Variants in DOCK10 observed in about 807,000 individuals in gnomAD.
DOCK10 encodes the protein dedicator of cytokinesis protein 10.
A neutral mutation model predicts 280.1 loss-of-function variants in DOCK10; 145 were observed. That is an observed-to-expected ratio of 0.52 (90% CI 0.45 to 0.59). The LOEUF (loss-of-function observed/expected upper bound fraction) is 0.59, where lower values mean the gene tolerates loss of function less well. Ranked by LOEUF, DOCK10 falls within the 20% of genes least tolerant of loss-of-function variation. The pLI, the probability that DOCK10 is intolerant of heterozygous loss-of-function variation, is 0.00. For synonymous variants in DOCK10, 915 were observed against 942.2 expected, an observed-to-expected ratio of 0.97 and a Z score of 0.53; for missense variants, 2,368 against 2,651.7, an observed-to-expected ratio of 0.89 and a Z score of 2.35.
intron 1 of DOCK10, among the ~76,000 whole-genome samples, chr2:225,020,567 A>G (rs1244096129): frequency 1.3e-5 from 2 of 152,190 alleles, no homozygotes; most frequent in Non-Finnish European, 2.9e-5. Flanking sequence ...GACGTATTCT[A>G]AAAAATTTCT....
rs1362880307 is a variant in DOCK10 at position 224,899,975 on chromosome 2, T to C, written c.334-3598A>G. On this transcript the variant is annotated intron_variant, in intron 3 of 55. Coordinates refer to ENST00000258390, the MANE Select transcript of DOCK10 (RefSeq NM_014689.3). The stretch of plus-strand genomic sequence containing the variant: ...GGTCGAGACATTTTATTTGTTTGGA[T>C]CTCAGATTTAGTTCTTGGGCATTCA... 2.0e-5 allele frequency among the ~76,000 whole-genome samples: 3 copies of C among 152,184 alleles called. No individual in the cohort carries two copies. The East Asian group carries it at 5.8e-4, about 29-fold the overall frequency.
intron 3 of DOCK10, among the ~76,000 whole-genome samples, chr2:224,906,967 T>TA (rs2125888992): frequency 1.2e-5 from 1 of 84,148 alleles, no homozygotes; most frequent in African/African-American, 3.6e-5. Context: ...TGATTCTCTT[T>TA]ATCACATAAT....
intron 3 of DOCK10, among the ~76,000 whole-genome samples, chr2:224,898,236 G>A (rs757899042): frequency 1.1e-4 from 16 of 152,186 alleles, no homozygotes; most frequent in Non-Finnish European, 1.9e-4. Flanking sequence ...GGACGGGGCT[G>A]TTCTGGATTT....
At chr2:225,014,256 G>A (rs1239326954) in intron 1 of DOCK10, among the ~76,000 whole-genome samples, 1 of 151,460 alleles carries the variant, frequency 6.6e-6, no homozygotes, top group African/African-American at 2.4e-5. Context: ...TGGGTACCAT[G>A]GTAAACTAAA....
intron 16 of DOCK10, 29 bp downstream of exon 16, chr2:224,854,934 G>T: frequency 1.3e-6 from 2 of 1,556,316 alleles, no homozygotes; most frequent in South Asian, 1.2e-5. Context: ...TCAAAACTCT[G>T]CAACCAAACC....
intron 1 of DOCK10, among the ~76,000 whole-genome samples, chr2:224,939,090 C>G (rs1575087395): frequency 6.6e-6 from 1 of 152,172 alleles, no homozygotes; most frequent in Non-Finnish European, 1.5e-5. Flanking sequence ...AAGACGGACA[C>G]AGATCTCACA....
intron 31 of DOCK10, among the ~76,000 whole-genome samples, chr2:224,808,833 A>G (rs1437508869): frequency 6.6e-6 from 1 of 151,946 alleles, no homozygotes; most frequent in Admixed American, 6.6e-5. Context: ...TAAATGAATT[A>G]GACTGTGGGG....
intron 1 of DOCK10, chr2:224,983,594 G>T (rs1239920986): frequency 6.1e-6 from 2 of 330,388 alleles, no homozygotes; most frequent in Non-Finnish European, 1.2e-5. Flanking sequence ...TTGCTGTAAC[G>T]TGTGGCCGCC....
At chr2:225,000,229 C>T (rs1418789641) in intron 1 of DOCK10, among the ~76,000 whole-genome samples, 1 of 150,726 alleles carries the variant, frequency 6.6e-6, no homozygotes, top group Non-Finnish European at 1.5e-5. Flanking sequence ...CACACAGACA[C>T]ACACACACAC....
At chr2:224,974,365 A>G (rs1407067208) in intron 1 of DOCK10, among the ~76,000 whole-genome samples, 3 of 152,230 alleles carry the variant, frequency 2.0e-5, no homozygotes, top group African/African-American at 4.8e-5. Context: ...TTTAGCCCCT[A>G]TCAGAGTAAA....
At chr2:224,878,250 A>G (rs1698761871) in intron 7 of DOCK10, among the ~76,000 whole-genome samples, 1 of 152,210 alleles carries the variant, frequency 6.6e-6, no homozygotes, top group South Asian at 2.1e-4. Context: ...CAATTACTAA[A>G]TACTGGCTCT....
At chr2:224,797,775 A>G (rs1429490630) in intron 42 of DOCK10, 57 bp downstream of exon 42, 11 of 1,565,928 alleles carry the variant, frequency 7.0e-6, no homozygotes, top group South Asian at 1.2e-5. Context: ...TAGGTTTACT[A>G]TTCTATGGGT....
intron 1 of DOCK10, among the ~76,000 whole-genome samples, chr2:225,041,815 G>A (rs1452940988): frequency 6.6e-6 from 1 of 152,120 alleles, no homozygotes; most frequent in Non-Finnish European, 1.5e-5. Flanking sequence ...CAGCGCACTG[G>A]TCTGTTTACT....
chr2:224,782,851 A>G (rs1366667662), intron 50 of DOCK10, among the ~76,000 whole-genome samples: 1 of 152,232 alleles, frequency 6.6e-6, no homozygotes, highest in Non-Finnish European at 1.5e-5. Context: ...GGATATTAAA[A>G]GGTAAGTTTT....
chr2:225,003,210 AATGTTT>A (rs1706485403), intron 1 of DOCK10, among the ~76,000 whole-genome samples: 1 of 151,960 alleles, frequency 6.6e-6, no homozygotes, highest in Non-Finnish European at 1.5e-5. Context: ...ACACCTGGCT[AATGTTT>A]GTATTTTTAG....
At chr2:224,967,344 T>C (rs1052502560) in intron 1 of DOCK10, among the ~76,000 whole-genome samples, 7 of 152,190 alleles carry the variant, frequency 4.6e-5, no homozygotes, top group Admixed American at 2.6e-4. Flanking sequence ...CCTCCCAAAG[T>C]GCTGGGATTA....
intron 51 of DOCK10, among the ~76,000 whole-genome samples, chr2:224,777,684 G>A (rs968478027): frequency 6.6e-6 from 1 of 152,118 alleles, no homozygotes; most frequent in Non-Finnish European, 1.5e-5. Context: ...CCTATTGTGG[G>A]ACTCCACCCT....
At chr2:224,968,757 T>G (rs184463557) in intron 1 of DOCK10, among the ~76,000 whole-genome samples, 1 of 152,378 alleles carries the variant, frequency 6.6e-6, no homozygotes, top group African/African-American at 2.4e-5. Flanking sequence ...TGTAACATCA[T>G]AAACGAGTCT....
At chr2:224,892,397 CAAAAAA>C (rs1174651393) in intron 4 of DOCK10, among the ~76,000 whole-genome samples, 2 of 52,254 alleles carry the variant, frequency 3.8e-5, no homozygotes, top group East Asian at 8.1e-4. Context: ...GACCCTGTCT[CAAAAAA>C]AAAAAAAAAA....
Sources: gnomAD v4.1 joint callset for allele counts (sites outside exome capture counted in the v4.1 genomes callset) on GRCh38, gnomAD v4.1.1 for gene constraint, MANE v1.5 for transcripts, NCBI Gene and HGNC (gene_info 2026-07-23, HGNC 2026-07-21) for gene names.